DIAPH3: variants seen among roughly 807,000 people sequenced by gnomAD.
DIAPH3 encodes diaphanous related formin 3, also known as protein diaphanous homolog 3.
In DIAPH3, 117 loss-of-function variants were observed where a neutral mutation model predicts 144.3. That is an observed-to-expected ratio of 0.81 (90% CI 0.70 to 0.95). DIAPH3 has a LOEUF of 0.95. Ranked by LOEUF, DIAPH3 falls within the 40% of genes least tolerant of loss-of-function variation. The probability of loss-of-function intolerance (pLI) is 0.00; values close to 1 mark genes in which losing one functional copy is unlikely to be tolerated. For missense variants in DIAPH3, 1,421 were observed against 1,412.7 expected (o/e 1.01, Z -0.09); for synonymous variants, 519 against 488.9 (o/e 1.06, Z -0.81).
chr13:59,871,619 T>G (rs1378362475), intron 21 of DIAPH3, among the ~76,000 whole-genome samples: 1 of 152,234 alleles, frequency 6.6e-6, no homozygotes, highest in Non-Finnish European at 1.5e-5. Flanking sequence ...CCAGCCAGGA[T>G]GCATAGAATT....
chr13:59,927,659 A>G (rs2047819074), intron 17 of DIAPH3, among the ~76,000 whole-genome samples: 2 of 152,164 alleles, frequency 1.3e-5, no homozygotes. Context: ...TGAGTAAAGC[A>G]TTCTTACCTG....
chr13:59,705,797 T>A (rs760807032), intron 27 of DIAPH3, among the ~76,000 whole-genome samples: 6 of 152,192 alleles, frequency 3.9e-5, no homozygotes, highest in Non-Finnish European at 7.3e-5. Flanking sequence ...CTAATTGTTA[T>A]GGTAAATGAG....
At chr13:59,753,875 C>T (rs1180363346) in intron 27 of DIAPH3, among the ~76,000 whole-genome samples, 1 of 152,144 alleles carries the variant, frequency 6.6e-6, no homozygotes, top group East Asian at 1.9e-4. Flanking sequence ...AGAGATCACC[C>T]TTGACATTTA....
At chr13:59,866,067 A>G (rs527534081) in intron 21 of DIAPH3, among the ~76,000 whole-genome samples, 11 of 151,928 alleles carry the variant, frequency 7.2e-5, no homozygotes, top group African/African-American at 2.7e-4. Flanking sequence ...ACAAGACAAA[A>G]TTCTGAAAAA....
At chr13:59,957,544 C>T (rs2049481974) in intron 17 of DIAPH3, among the ~76,000 whole-genome samples, 1 of 152,110 alleles carries the variant, frequency 6.6e-6, no homozygotes, top group Admixed American at 6.6e-5. Flanking sequence ...TCAGGTATGT[C>T]TTTATTAGCA....
At chr13:59,720,471 TTATTTTAATAAACATGGGCAATGTGA>T (rs2035287435) in intron 27 of DIAPH3, among the ~76,000 whole-genome samples, 1 of 152,168 alleles carries the variant, frequency 6.6e-6, no homozygotes. Context: ...CATAAAATAT[TTATTTTAATAAACATGGGCAATGTGA>T]TATGTCATAA....
At chr13:59,767,647 A>C (rs1238715485) in intron 27 of DIAPH3, among the ~76,000 whole-genome samples, 1 of 152,110 alleles carries the variant, frequency 6.6e-6, no homozygotes, top group South Asian at 2.1e-4. Context: ...AAAGATCATA[A>C]TAATTATAGT....
At chr13:60,142,536 A>G (rs1358410465) in intron 1 of DIAPH3, among the ~76,000 whole-genome samples, 1 of 152,150 alleles carries the variant, frequency 6.6e-6, no homozygotes, top group Non-Finnish European at 1.5e-5. Flanking sequence ...CGGAAGTTTG[A>G]GCGCCAACCC....
intron 23 of DIAPH3, 131 bp from the exon 24 acceptor site, chr13:59,833,402 T>C: frequency 3.1e-6 from 2 of 638,378 alleles, no homozygotes; most frequent in East Asian, 2.8e-5. Flanking sequence ...TTACTTCTAA[T>C]AGTTGACCAT....
intron 20 of DIAPH3, among the ~76,000 whole-genome samples, chr13:59,902,376 C>T (rs1478239959): frequency 6.6e-6 from 1 of 152,128 alleles, no homozygotes; most frequent in Non-Finnish European, 1.5e-5. Flanking sequence ...GCCTGTTTCC[C>T]CTACACCTTC....
intron 20 of DIAPH3, among the ~76,000 whole-genome samples, chr13:59,897,601 A>C (rs185359783): frequency 2.2e-3 from 338 of 151,832 alleles, no homozygotes; most frequent in African/African-American, 7.6e-3. Flanking sequence ...TCCAAAAATT[A>C]GCTAGGCATG....
intron 17 of DIAPH3, among the ~76,000 whole-genome samples, chr13:59,951,641 AAT>A (rs2049105358): frequency 6.6e-6 from 1 of 152,196 alleles, no homozygotes; most frequent in African/African-American, 2.4e-5. Flanking sequence ...TAGTTTCTAT[AAT>A]AGGCATTAAT....
intron 2 of DIAPH3, among the ~76,000 whole-genome samples, chr13:60,115,957 T>C (rs1393812438): frequency 3.3e-5 from 5 of 152,044 alleles, no homozygotes; most frequent in African/African-American, 1.2e-4. Context: ...CTACCCTTCA[T>C]AAGTAGAAGC....
chr13:60,078,904 C>A (rs2057458405), intron 4 of DIAPH3, among the ~76,000 whole-genome samples: 1 of 151,842 alleles, frequency 6.6e-6, no homozygotes, highest in African/African-American at 2.4e-5. Flanking sequence ...TTCTACTAAC[C>A]TTCTAGATAT....
chr13:59,699,952 G>A (rs2034008922), intron 27 of DIAPH3, among the ~76,000 whole-genome samples: 1 of 152,070 alleles, frequency 6.6e-6, no homozygotes, highest in Non-Finnish European at 1.5e-5. Flanking sequence ...CTTAAACACA[G>A]GCTTCGGCTT....
At chr13:59,707,462 T>A (rs1488507609) in intron 27 of DIAPH3, among the ~76,000 whole-genome samples, 1 of 152,120 alleles carries the variant, frequency 6.6e-6, no homozygotes, top group Admixed American at 6.5e-5. Context: ...AACTGCAGAA[T>A]AAGGTTTTAG....
At chr13:60,109,092 A>C (rs1273898043) in intron 3 of DIAPH3, among the ~76,000 whole-genome samples, 1 of 152,220 alleles carries the variant, frequency 6.6e-6, no homozygotes, top group African/African-American at 2.4e-5. Flanking sequence ...TATAAAGATA[A>C]GACTGACAGG....
At chr13:60,028,813 C>T (rs1272595904) in intron 5 of DIAPH3, among the ~76,000 whole-genome samples, 1 of 152,116 alleles carries the variant, frequency 6.6e-6, no homozygotes, top group Non-Finnish European at 1.5e-5. Context: ...GTAATTCCAG[C>T]ACTTTGGGAG....
intron 17 of DIAPH3, among the ~76,000 whole-genome samples, chr13:59,933,196 T>G (rs1259807215): frequency 6.6e-6 from 1 of 152,312 alleles, no homozygotes; most frequent in East Asian, 1.9e-4. Context: ...AAGGGCAGGG[T>G]CCTCTGTCTG....
Sources: gnomAD v4.1 joint callset for allele counts (sites outside exome capture counted in the v4.1 genomes callset) on GRCh38, gnomAD v4.1.1 for gene constraint, MANE v1.5 for transcripts, NCBI Gene and HGNC (gene_info 2026-07-23, HGNC 2026-07-21) for gene names.